The following TEX11 variants were observed in gnomAD, a reference collection of about 807,000 sequenced individuals.
TEX11 encodes testis-expressed protein 11.
TEX11 carries 7 observed loss-of-function variants against 84.4 expected under a neutral mutation model. The ratio of observed to expected loss-of-function variants is 0.08; its 90% CI spans 0.05 to 0.16. The LOEUF (loss-of-function observed/expected upper bound fraction) is 0.16. TEX11 is among the 10% of genes least tolerant of loss of function. TEX11 has a pLI of 1.00. For synonymous variants in TEX11, 264 were observed against 222.8 expected, an observed-to-expected ratio of 1.18 and a Z score of -1.64; for missense variants, 551 against 660.5, an observed-to-expected ratio of 0.83 and a Z score of 1.82.
chrX:70,764,857 G>C (rs2147772532), intron 9 of TEX11, among the ~76,000 whole-genome samples: 1 of 111,123 alleles, frequency 9.0e-6, no homozygotes, highest in East Asian at 2.8e-4. Flanking sequence ...AGAAAAGCTG[G>C]GGACCCAATG....
intron 21 of TEX11, among the ~76,000 whole-genome samples, chrX:70,609,598 T>A (rs2089235667): frequency 8.9e-6 from 1 of 112,440 alleles, no homozygotes; most frequent in Admixed American, 9.4e-5. Context: ...GCTATCACTA[T>A]CAGAAGGCAT....
intron 9 of TEX11, among the ~76,000 whole-genome samples, chrX:70,795,339 T>C (rs769187760): frequency 1.6e-4 from 18 of 111,005 alleles, no homozygotes; most frequent in African/African-American, 5.6e-4. Context: ...GGTAGCTCCC[T>C]AAGGATTCTG....
At chrX:70,891,577 G>A (rs764791504) in intron 2 of TEX11, among the ~76,000 whole-genome samples, 37 of 111,079 alleles carry the variant, frequency 3.3e-4, no homozygotes, top group Non-Finnish European at 6.8e-4. Context: ...CGAGAACTAC[G>A]TGATGCATGC....
At chrX:70,807,626 C>T (rs960038880) in intron 8 of TEX11, among the ~76,000 whole-genome samples, 1 of 111,088 alleles carries the variant, frequency 9.0e-6, no homozygotes, top group Non-Finnish European at 1.9e-5. Context: ...AAGTTTTACC[C>T]GAGTAAGACT....
chrX:70,776,787 A>G (rs933945334), intron 9 of TEX11, among the ~76,000 whole-genome samples: 2 of 110,099 alleles, frequency 1.8e-5, no homozygotes, highest in Non-Finnish European at 3.8e-5. Context: ...AGAAAAGGGG[A>G]GGTTGGTTAA....
At chrX:70,906,671 C>G (rs2091835803) in intron 2 of TEX11, among the ~76,000 whole-genome samples, 2 of 110,737 alleles carry the variant, frequency 1.8e-5, no homozygotes, top group Non-Finnish European at 3.8e-5. Context: ...CCTGTAGTCC[C>G]AGCTACTTGG....
chrX:70,765,183 C>T (rs1056086536), intron 9 of TEX11, among the ~76,000 whole-genome samples: 5 of 111,422 alleles, frequency 4.5e-5, no homozygotes, highest in East Asian at 5.6e-4. Flanking sequence ...GCCAGGAGTT[C>T]GAGACTAGCC....
intron 15 of TEX11, chrX:70,672,845 CTTCAGAGGATAGCTTTTTT>C (rs1250476919): frequency 9.1e-6 from 1 of 110,336 alleles, no homozygotes; most frequent in Non-Finnish European, 1.9e-5. Flanking sequence ...ACTTTATTTT[CTTCAGAGGATAGCTTTTTT>C]TTCAGTCCTT....
intron 25 of TEX11, among the ~76,000 whole-genome samples, chrX:70,588,443 C>T (rs1422437790): frequency 9.0e-6 from 1 of 111,439 alleles, no homozygotes; most frequent in Non-Finnish European, 1.9e-5. Flanking sequence ...GGACTCTTCC[C>T]CTTCACTCGG....
At chrX:70,682,087 C>T (rs986807479) in intron 14 of TEX11, among the ~76,000 whole-genome samples, 22 of 111,611 alleles carry the variant, frequency 2.0e-4, no homozygotes, top group Non-Finnish European at 4.1e-4. Flanking sequence ...AGAGAATTTT[C>T]TAAGAAAGGG....
At chrX:70,800,510 A>G (rs1362175080) in intron 9 of TEX11, among the ~76,000 whole-genome samples, 1 of 111,400 alleles carries the variant, frequency 9.0e-6, no homozygotes, top group Non-Finnish European at 1.9e-5. Flanking sequence ...CCAGAGATAA[A>G]AGCATCTATG....
chrX:70,598,065 C>T (rs1457972543), intron 24 of TEX11, among the ~76,000 whole-genome samples: 1 of 111,756 alleles, frequency 8.9e-6, no homozygotes, highest in Non-Finnish European at 1.9e-5. Flanking sequence ...GCTGTAGTCC[C>T]AGCTACTTGG....
At chrX:70,596,241 A>G (rs2089005784) in intron 24 of TEX11, among the ~76,000 whole-genome samples, 1 of 111,607 alleles carries the variant, frequency 9.0e-6, no homozygotes, top group Non-Finnish European at 1.9e-5. Flanking sequence ...GTAGGCAGAA[A>G]ACCATCAAGG....
intron 25 of TEX11, among the ~76,000 whole-genome samples, chrX:70,579,530 A>AAAAAACAAAAAAAAAAAC (rs2088739759): frequency 9.7e-6 from 1 of 103,131 alleles, no homozygotes; most frequent in Non-Finnish European, 2.0e-5. Context: ...AAAAAAAAAA[A>AAAAAACAAAAAAAAAAAC]AAAACAAAAA....
intron 9 of TEX11, among the ~76,000 whole-genome samples, chrX:70,749,980 C>T (rs898513167): frequency 6.3e-5 from 7 of 110,734 alleles, no homozygotes; most frequent in African/African-American, 2.0e-4. Context: ...TCAGAGTGAA[C>T]AGGCAACCTA....
At chrX:70,818,017 G>A (rs2091298448) in intron 8 of TEX11, among the ~76,000 whole-genome samples, 1 of 111,437 alleles carries the variant, frequency 9.0e-6, no homozygotes, top group African/African-American at 3.3e-5. Context: ...AGCTCTCAGA[G>A]AGCTCCAGAG....
intron 28 of TEX11, among the ~76,000 whole-genome samples, chrX:70,544,675 C>T (rs1031639883): frequency 1.9e-5 from 2 of 107,392 alleles, no homozygotes; most frequent in African/African-American, 6.8e-5. Context: ...CCCTGTCTCT[C>T]CTAAAAATAC....
At chrX:70,787,714 C>A (rs1456438573) in intron 9 of TEX11, among the ~76,000 whole-genome samples, 1 of 111,414 alleles carries the variant, frequency 9.0e-6, no homozygotes, top group Non-Finnish European at 1.9e-5. Flanking sequence ...GACATCCAAA[C>A]AAGAAAGGAA....
At chrX:70,757,179 A>G (rs1381900874) in intron 9 of TEX11, among the ~76,000 whole-genome samples, 1 of 112,171 alleles carries the variant, frequency 8.9e-6, no homozygotes, top group African/African-American at 3.2e-5. Context: ...GAATGGATCC[A>G]AGTTAGAAAA....
Sources: allele counts gnomAD v4.1 joint callset (sites outside exome capture counted in the v4.1 genomes callset), GRCh38; gene constraint gnomAD v4.1.1; transcripts MANE v1.5; gene names NCBI Gene and HGNC (gene_info 2026-07-23, HGNC 2026-07-21).